WASHC3: variants seen among roughly 807,000 people sequenced by gnomAD.
WASHC3 encodes the protein WASH complex subunit 3, also known as WASH complex subunit CCDC53.
A neutral mutation model predicts 26.1 loss-of-function variants in WASHC3; 24 were observed. The ratio of observed to expected loss-of-function variants is 0.92; its 90% confidence interval spans 0.66 to 1.29. The LOEUF is 1.29. Ranked by LOEUF, WASHC3 falls within the 50% of genes most tolerant of loss-of-function variation. The probability of loss-of-function intolerance (pLI) is 0.00; values close to 1 mark genes in which losing one functional copy is unlikely to be tolerated. For synonymous variants in WASHC3, 77 were observed against 75.7 expected, an observed-to-expected ratio of 1.02 and a Z score of -0.09; for missense variants, 214 against 229.6, an observed-to-expected ratio of 0.93 and a Z score of 0.44.
intron 2 of WASHC3, among the ~76,000 whole-genome samples, chr12:102,060,372 C>T (rs1201977787): frequency 1.3e-5 from 2 of 152,096 alleles, no homozygotes; most frequent in African/African-American, 4.8e-5. Flanking sequence ...CTCAAATTCC[C>T]GGGCGCAAGT....
chr12:102,061,876 C>A (rs1192842928), intron 1 of WASHC3, 36 bp downstream of exon 1: 2 of 1,557,244 alleles, frequency 1.3e-6, no homozygotes, highest in East Asian at 2.3e-5. Context: ...ATCCTCCTCC[C>A]GGCTCGTCGG....
chr12:102,041,733 T>C (rs1877946303), intron 4 of WASHC3, among the ~76,000 whole-genome samples: 1 of 152,110 alleles, frequency 6.6e-6, no homozygotes, highest in Non-Finnish European at 1.5e-5. Flanking sequence ...ATGTGAATAT[T>C]AAGAACATGC....
chr12:102,033,515 ACT>A (rs1164101066), intron 5 of WASHC3, among the ~76,000 whole-genome samples: 3 of 151,966 alleles, frequency 2.0e-5, no homozygotes, highest in African/African-American at 7.2e-5. Context: ...AGGTATTAAG[ACT>A]CTTCTTATGG....
At chr12:102,017,283 A>C (rs1876746652) in intron 6 of WASHC3, among the ~76,000 whole-genome samples, 1 of 152,100 alleles carries the variant, frequency 6.6e-6, no homozygotes, top group African/African-American at 2.4e-5. Flanking sequence ...TGACGTTTGC[A>C]CAATGACAAA....
intron 4 of WASHC3, among the ~76,000 whole-genome samples, chr12:102,042,357 C>G (rs1877972321): frequency 6.6e-6 from 1 of 152,002 alleles, no homozygotes; most frequent in Admixed American, 6.6e-5. Flanking sequence ...ATACTATATT[C>G]TAAATATATG....
intron 2 of WASHC3, among the ~76,000 whole-genome samples, chr12:102,053,120 G>A (rs1878458607): frequency 6.6e-6 from 1 of 151,838 alleles, no homozygotes; most frequent in Non-Finnish European, 1.5e-5. Context: ...GTACAACCAG[G>A]ACCCAGGCCC....
At chr12:102,050,030 T>C (rs1268727749) in intron 2 of WASHC3, among the ~76,000 whole-genome samples, 3 of 152,150 alleles carry the variant, frequency 2.0e-5, no homozygotes, top group Non-Finnish European at 4.4e-5. Context: ...CTTAGGCATG[T>C]AATAAGTCTG....
rs1470392642 is a variant in WASHC3, at chr12:102,034,188, T to C, written c.435+5680A>G. 2.0e-5 allele frequency among the ~76,000 whole-genome samples: 3 copies of C among 152,140 alleles called. No individual in the cohort carries two copies. The East Asian group carries it at 5.8e-4, about 29-fold the overall frequency. ...CCTGAACCCTGTTTGTTCTCAGTTATACTCAAAGAATTGAACCACATTTTC... is the reference window on the plus strand; with the variant it reads ...CCTGAACCCTGTTTGTTCTCAGTTACACTCAAAGAATTGAACCACATTTTC... On this transcript the variant is annotated intron_variant, in intron 5 of 6. Coordinates refer to ENST00000240079, the MANE Select transcript of WASHC3 (RefSeq NM_016053.4).
Position 102,060,956 on chromosome 12 carries a change from C to CAAAAAA in WASHC3, c.150+286_150+291dup, listed in dbSNP as rs56001519. Among the ~76,000 whole-genome samples, 727 of 55,580 alleles carry CAAAAAA rather than the reference C, an allele frequency of 0.013. 84 individuals carry two copies. In the East Asian group the frequency reaches 0.17, roughly 13 times the overall value. 36.5% of individuals were successfully genotyped at this position (55,580 alleles called of 152,430 possible). On this transcript the variant is annotated intron_variant, in intron 2 of 6. Transcript: ENST00000240079. The stretch of plus-strand genomic sequence containing the variant: ...GGTGACAGAGTGAGACCCTGTCTCA[C>CAAAAAA]AAAAAAAAAAAAAAAAAAAAAAAAA...
intron 5 of WASHC3, among the ~76,000 whole-genome samples, chr12:102,034,781 AGTGTGTGT>A (rs60815635): frequency 1.0e-3 from 147 of 146,170 alleles, no homozygotes; most frequent in African/African-American, 3.5e-3. Flanking sequence ...CCTAAAAAAA[AGTGTGTGT>A]GTGTGTGTGT....
chr12:102,021,009 G>A lies in WASHC3; in HGVS notation c.500+4965C>T, dbSNP rs1467826581. 3.3e-5 allele frequency among the ~76,000 whole-genome samples: 5 copies of A among 152,178 alleles called. No individual in the cohort carries two copies. The East Asian group carries it at 9.6e-4, about 29-fold the overall frequency. On this transcript the variant is annotated intron_variant, in intron 6 of 6. Coordinates refer to ENST00000240079, the MANE Select transcript of WASHC3 (RefSeq NM_016053.4). Reference sequence around the variant, plus strand: ...AGGCAGGAGAATCGCTTGAACCCGGGAGGCAGAGGTTGCAGTGAGGTGAGA... The same window carrying A: ...AGGCAGGAGAATCGCTTGAACCCGGAAGGCAGAGGTTGCAGTGAGGTGAGA...
chr12:102,052,108 T>G (rs1222473201), intron 2 of WASHC3, among the ~76,000 whole-genome samples: 2 of 152,288 alleles, frequency 1.3e-5, no homozygotes, highest in Non-Finnish European at 2.9e-5. Flanking sequence ...CGAAAATACA[T>G]TCTCAAGAGC....
At chr12:102,027,578 T>C (rs960059215) in intron 5 of WASHC3, among the ~76,000 whole-genome samples, 21 of 152,202 alleles carry the variant, frequency 1.4e-4, no homozygotes, top group African/African-American at 5.1e-4. Context: ...GAAAATTTTA[T>C]GTAAAAAAAT....
intron 2 of WASHC3, among the ~76,000 whole-genome samples, chr12:102,047,991 C>T (rs749044953): frequency 2.0e-5 from 3 of 152,186 alleles, no homozygotes; most frequent in Non-Finnish European, 2.9e-5. Flanking sequence ...AGAGGCAATA[C>T]ACTTCACGAG....
intron 4 of WASHC3, among the ~76,000 whole-genome samples, chr12:102,040,930 A>G (rs1159417466): frequency 1.3e-5 from 2 of 151,992 alleles, no homozygotes; most frequent in Non-Finnish European, 2.9e-5. Context: ...ATAAATCAAT[A>G]TCTTTATATC....
intron 6 of WASHC3, among the ~76,000 whole-genome samples, chr12:102,020,208 T>C (rs1876893197): frequency 6.6e-6 from 1 of 152,208 alleles, no homozygotes; most frequent in African/African-American, 2.4e-5. Flanking sequence ...GCTGGGGAGC[T>C]ATGTTCCCAG....
intron 2 of WASHC3, among the ~76,000 whole-genome samples, chr12:102,051,678 G>A (rs1197335090): frequency 1.3e-5 from 2 of 152,210 alleles, no homozygotes; most frequent in East Asian, 3.8e-4. Context: ...CTTTCTATCT[G>A]TGTATGTGCA....
At chr12:102,046,445 C>T (rs1306834965) in intron 2 of WASHC3, among the ~76,000 whole-genome samples, 1 of 152,114 alleles carries the variant, frequency 6.6e-6, no homozygotes, top group African/African-American at 2.4e-5. Flanking sequence ...CAGGCACGTG[C>T]CACCACGCCC....
At chr12:102,060,334 A>G (rs997302067) in intron 2 of WASHC3, among the ~76,000 whole-genome samples, 6 of 152,068 alleles carry the variant, frequency 3.9e-5, no homozygotes, top group African/African-American at 1.4e-4. Context: ...AAAACAAAAC[A>G]CTGAGTTTCT....
Sources: gnomAD v4.1 joint callset for allele counts (sites outside exome capture counted in the v4.1 genomes callset) on GRCh38, gnomAD v4.1.1 for gene constraint, MANE v1.5 for transcripts, NCBI Gene and HGNC (gene_info 2026-07-23, HGNC 2026-07-21) for gene names.